Variants in FBXL16 observed in about 807,000 individuals in gnomAD.
The protein encoded by FBXL16 is F-box/LRR-repeat protein 16.
Under a neutral mutation model 36.7 loss-of-function variants are expected in FBXL16, and 7 were observed. The ratio of observed to expected loss-of-function variants is 0.19; its 90% CI spans 0.11 to 0.36. The LOEUF (loss-of-function observed/expected upper bound fraction) is 0.36, where lower values mean the gene tolerates loss of function less well. FBXL16 is among the 10% of genes least tolerant of loss of function. The pLI is 1.00. For synonymous variants in FBXL16, 355 were observed against 308.7 expected, an observed-to-expected ratio of 1.15 and a Z score of -1.57; for missense variants, 463 against 659.4, an observed-to-expected ratio of 0.70 and a Z score of 3.26.
At chr16:695,949 G>A (rs2040008074) in intron 2 of FBXL16, 26 bp from the exon 3 acceptor site, 2 of 1,555,730 alleles carry the variant, frequency 1.3e-6, no homozygotes, top group East Asian at 4.5e-5. Context: ...CGCCGGGTCA[G>A]GATTGCAGGA....
chr16:696,133 G>T, intron 2 of FBXL16: 2 of 643,708 alleles, frequency 3.1e-6, no homozygotes, highest in South Asian at 5.7e-5. Flanking sequence ...CTCCAGACCC[G>T]GCTGCCAGGC....
chr16:697,565 G>T lies in FBXL16; in HGVS notation c.-14-146C>A. ...CCAGACAGAGAGGATGGGAGTGCCT[G>T]CTTCTCCCTCCCAGACTGTGAGCAG... is the stretch of plus-strand genomic sequence containing the variant. On this transcript the variant is annotated intron_variant, in intron 1 of 5. Coordinates refer to ENST00000397621, the MANE Select transcript of FBXL16 (RefSeq NM_153350.4). This position sits in a 1 kb window ranked among gnomAD's most constrained non-coding sequence, Gnocchi z 4.6. 9.2e-7 allele frequency: 1 copy of T among 1,090,888 alleles called. No individual in the cohort carries two copies. The highest frequency in any genetic ancestry group is 1.3e-6 in the Non-Finnish European group (1 of 795,880). 67.6% of individuals were successfully genotyped at this position (1,090,888 alleles called of 1,614,324 possible). A position where few individuals can be genotyped will look rare whatever the true frequency, so the allele number is the denominator to read the frequency against.
chr16:701,981 G>A (rs147796694), intron 1 of FBXL16, among the ~76,000 whole-genome samples: 2,155 of 152,288 alleles, frequency 0.014, 25 homozygotes, highest in Middle Eastern at 0.031. Flanking sequence ...AGAGGTGGCC[G>A]TGGCCTCTGT....
At chr16:704,477 C>T (rs56824938) in intron 1 of FBXL16, among the ~76,000 whole-genome samples, 1 of 152,102 alleles carries the variant, frequency 6.6e-6, no homozygotes, top group African/African-American at 2.4e-5. Context: ...CCCCTCCAGG[C>T]GGCTCCAGGT....
intron 1 of FBXL16, among the ~76,000 whole-genome samples, chr16:702,113 C>T (rs1259629198): frequency 6.6e-6 from 1 of 152,168 alleles, no homozygotes; most frequent in African/African-American, 2.4e-5. Flanking sequence ...TGACCATTCC[C>T]AGACGGCCAT....
chr16:703,783 T>C (rs2040072633), intron 1 of FBXL16, among the ~76,000 whole-genome samples: 1 of 152,202 alleles, frequency 6.6e-6, no homozygotes, highest in African/African-American at 2.4e-5. Flanking sequence ...TGAGGGCCCA[T>C]GGTCAAGCCC....
At position 705,752 on chromosome 16, in the gene FBXL16, T is replaced by C. The variant is rs936789442; in HGVS notation, c.-255A>G. 9.4e-5 allele frequency: 14 copies of C among 148,686 alleles called. No homozygotes were observed. Among genetic ancestry groups the C allele is most frequent in the African/African-American group, 3.2e-4 (13 of 40,958 alleles). 9.2% of individuals were successfully genotyped at this position (148,686 alleles called of 1,614,324 possible). On this transcript the variant is annotated 5_prime_UTR_variant, in exon 1 of 6. Transcript: ENST00000397621. ...CCTCCCACCGGGGAGGCTGAGGCTG[T>C]GCCCAGATAAATAAGGCCGCTTTGC...
At position 694,146 on chromosome 16, in the gene FBXL16, C is replaced by A; in HGVS notation, c.*129G>T. On this transcript the variant is annotated 3_prime_UTR_variant, in exon 6 of 6. Transcript: ENST00000397621. Reference sequence around the variant, plus strand: ...GGAGGGGCTTTCCCTCGGCTCGCCCCGCCTCCCGCGCTGGGCCGGGGGCGC... The same window carrying A: ...GGAGGGGCTTTCCCTCGGCTCGCCCAGCCTCCCGCGCTGGGCCGGGGGCGC... 1 of 580,016 alleles carries A rather than the reference C, an allele frequency of 1.7e-6. No homozygotes were observed. Among genetic ancestry groups the A allele is most frequent in the Non-Finnish European group, 2.5e-6 (1 of 398,620 alleles). 35.9% of individuals were successfully genotyped at this position (580,016 alleles called of 1,614,324 possible). A position where few individuals can be genotyped will look rare whatever the true frequency, so the allele number is the denominator to read the frequency against.
At chr16:700,070 G>A (rs1179571396) in intron 1 of FBXL16, among the ~76,000 whole-genome samples, 1 of 152,144 alleles carries the variant, frequency 6.6e-6, no homozygotes, top group Non-Finnish European at 1.5e-5. Context: ...GGCAGTGGGA[G>A]GTCCTGCCCC....
chr16:704,157 C>G (rs2040074924), intron 1 of FBXL16, among the ~76,000 whole-genome samples: 1 of 152,264 alleles, frequency 6.6e-6, no homozygotes, highest in Non-Finnish European at 1.5e-5. Flanking sequence ...AACAGTGCCA[C>G]CTGGGTGGGA....
chr16:697,762 A>G lies in FBXL16; in HGVS notation c.-14-343T>C, dbSNP rs911143744. ...ATGCCTGTAATCCCAGCACTTTGGG[A>G]GGCCGAGGCGGGTGGATCATGAGGT... On this transcript the variant is annotated intron_variant, in intron 1 of 5. Transcript: ENST00000397621. This position sits in a 1 kb window ranked among gnomAD's most constrained non-coding sequence, Gnocchi z 4.6. Among the ~76,000 whole-genome samples the G allele has an allele frequency of 1.3e-5, 2 of 151,984 alleles. No individual in the cohort carries two copies. Among genetic ancestry groups the G allele is most frequent in the African/African-American group, 2.4e-5 (1 of 41,386 alleles).
chr16:703,450 C>T (rs1006517217), intron 1 of FBXL16, among the ~76,000 whole-genome samples: 1 of 152,198 alleles, frequency 6.6e-6, no homozygotes, highest in Admixed American at 6.5e-5. Context: ...GCCCTGCCTG[C>T]AGAGGGCCTT....
chr16:699,851 T>G (rs1317553738), intron 1 of FBXL16, among the ~76,000 whole-genome samples: 1 of 152,148 alleles, frequency 6.6e-6, no homozygotes, highest in Non-Finnish European at 1.5e-5. Flanking sequence ...CCACGAAGAT[T>G]CCAACGCTTG....
Position 697,613 on chromosome 16 carries a change from A to T in FBXL16, c.-14-194T>A, listed in dbSNP as rs1457679469. 6.6e-6 allele frequency among the ~76,000 whole-genome samples: 1 copy of T among 152,120 alleles called. No homozygotes were observed. Among genetic ancestry groups the T allele is most frequent in the Non-Finnish European group, 1.5e-5 (1 of 68,010 alleles). Reference sequence around the variant, plus strand: ...CAGCAACAGGAAGCCAACCATGGCCACTGGCAGCACTCACTGGGCACCTAC... The same window carrying T: ...CAGCAACAGGAAGCCAACCATGGCCTCTGGCAGCACTCACTGGGCACCTAC... On this transcript the variant is annotated intron_variant, in intron 1 of 5. Transcript: ENST00000397621. This position sits in a 1 kb window ranked among gnomAD's most constrained non-coding sequence, Gnocchi z 4.6.
intron 1 of FBXL16, among the ~76,000 whole-genome samples, chr16:701,790 A>T (rs1258826895): frequency 6.6e-6 from 1 of 152,124 alleles, no homozygotes; most frequent in African/African-American, 2.4e-5. Context: ...CGGGGAAGAG[A>T]CTTGTTAAAA....
Position 697,112 on chromosome 16 carries a change from G to T in FBXL16, c.294C>A (p.Asp98Glu). 1 of 1,607,404 alleles carries T rather than the reference G, an allele frequency of 6.2e-7. No individual in the cohort carries two copies. Residue 98 changes from aspartate (D) to glutamate (E), a missense_variant, in exon 2 of 6, where the codon GAC (aspartate) becomes GAA (glutamate). By Grantham distance (45) the Asp-to-Glu change is conservative (BLOSUM62 2). Transcript: ENST00000397621. This position sits in a 1 kb window ranked among gnomAD's most constrained non-coding sequence, Gnocchi z 4.6. ...HPAERPPLAT[D>E]EKILNGLFWY... ...AGAAGAGCCCATTGAGGATCTTCTC[G>T]TCCGTGGCCAGCGGCGGCCGCTCCG...
chr16:694,520 G>A, intron 5 of FBXL16, 97 bp from the exon 6 acceptor site: 2 of 1,510,094 alleles, frequency 1.3e-6, no homozygotes, highest in East Asian at 2.5e-5. Flanking sequence ...TCGGACCCGG[G>A]ACTGTGTGTC....
chr16:695,166 C>A, intron 3 of FBXL16, 90 bp from the exon 4 acceptor site: 1 of 1,367,284 alleles, frequency 7.3e-7, no homozygotes, highest in Non-Finnish European at 1.0e-6. Flanking sequence ...GCGTGAATCC[C>A]TTCCTGCCCC....
chr16:696,532 G>A (rs2040012535), intron 2 of FBXL16, among the ~76,000 whole-genome samples: 1 of 152,194 alleles, frequency 6.6e-6, no homozygotes, highest in South Asian at 2.1e-4. Context: ...CCATAGTGCC[G>A]GGATGACAGG....
Sources: allele counts gnomAD v4.1 joint callset (sites outside exome capture counted in the v4.1 genomes callset), GRCh38; gene constraint gnomAD v4.1.1; non-coding constraint Gnocchi (gnomAD v3.1); transcripts MANE v1.5; gene names NCBI Gene and HGNC (gene_info 2026-07-23, HGNC 2026-07-21).